DLGAP5: variants seen among roughly 807,000 people sequenced by gnomAD.
The protein encoded by DLGAP5 is disks large-associated protein 5.
Under a neutral mutation model 99.6 loss-of-function variants are expected in DLGAP5, and 90 were observed. The observed-to-expected ratio is 0.90, with a 90% confidence interval of 0.76 to 1.08. DLGAP5 has a LOEUF of 1.08. Among genes scored for constraint, DLGAP5 ranks in the 50% least tolerant of loss-of-function variants. The probability of loss-of-function intolerance (pLI) is 0.00; values close to 1 mark genes in which losing one functional copy is unlikely to be tolerated. For missense variants in DLGAP5, 1,036 were observed against 983.5 expected (o/e 1.05, Z -0.71); for synonymous variants, 311 against 321.3 (o/e 0.97, Z 0.34).
Position 55,154,701 on chromosome 14 carries a change from G to A in DLGAP5, c.1979C>T (p.Thr660Ile). ...SRNEMGIPQQ[T>I]TSPENAGPQN... The stretch of plus-strand genomic sequence containing the variant: ...AGGACCGGCATTTTCTGGTGATGTA[G>A]TTTGTTGTGGAATGCCCATCTCATT... The change falls in exon 15 of 19, where the codon ACT becomes ATT. Residue 660 changes from threonine (T) to isoleucine (I), a missense_variant. Coordinates refer to ENST00000247191, the MANE Select transcript of DLGAP5 (RefSeq NM_014750.5). The A allele has an allele frequency of 6.2e-7, 1 of 1,614,112 alleles. No homozygotes were observed. Among genetic ancestry groups the A allele is most frequent in the Non-Finnish European group, 8.5e-7 (1 of 1,180,002 alleles).
At chr14:55,174,848 G>A (rs554488516) in intron 10 of DLGAP5, among the ~76,000 whole-genome samples, 2 of 152,130 alleles carry the variant, frequency 1.3e-5, no homozygotes, top group Admixed American at 6.5e-5. Context: ...GCACCACCAC[G>A]CCCGGATAAT....
rs1211815458 is a variant in DLGAP5 at position 55,152,782 on chromosome 14, G to C, written c.2064-135C>G. 9.0e-6 allele frequency: 6 copies of C among 664,496 alleles called. No individual in the cohort carries two copies. In the East Asian group the frequency reaches 1.8e-4, roughly 20 times the overall value. The allele number at this position is 664,496 out of a possible 1,614,324, so 41.2% of individuals were successfully genotyped here. A position where few individuals can be genotyped will look rare whatever the true frequency, so the allele number is the denominator to read the frequency against. Reference sequence around the variant, plus strand: ...CATGGAGCCTGGTGCAAGATCAGGCGTGATCCAGATAGATTAGTTTTGGAC... The same window carrying C: ...CATGGAGCCTGGTGCAAGATCAGGCCTGATCCAGATAGATTAGTTTTGGAC... On this transcript the variant is annotated intron_variant, in intron 15 of 18. Transcript: ENST00000247191.
chr14:55,167,253 C>CAAAA (rs59010875), intron 12 of DLGAP5, among the ~76,000 whole-genome samples: 33 of 89,830 alleles, frequency 3.7e-4, no homozygotes, highest in African/African-American at 6.6e-4. Flanking sequence ...GACTCCATCT[C>CAAAA]AAAAAAAAAA....
At chr14:55,171,572 A>G (rs1882860722) in intron 10 of DLGAP5, among the ~76,000 whole-genome samples, 1 of 152,048 alleles carries the variant, frequency 6.6e-6, no homozygotes, top group African/African-American at 2.4e-5. Context: ...AGCTCCTCAA[A>G]AAATTAAAAA....
chr14:55,183,878 C>A (rs898337190), intron 2 of DLGAP5, 125 bp from the exon 3 acceptor site: 1 of 931,048 alleles, frequency 1.1e-6, no homozygotes, highest in East Asian at 3.1e-5. Flanking sequence ...TCAGGCCAGG[C>A]ACGGTGGCTC....
Position 55,151,924 on chromosome 14 carries a change from G to A in DLGAP5, c.2139C>T (p.Asp713=). 2 of 1,613,164 alleles carry A rather than the reference G, an allele frequency of 1.2e-6. No homozygotes were observed. The highest frequency in any genetic ancestry group is 1.1e-5 in the South Asian group (1 of 90,862). ...IEENHVVNKT[D]LKVDCLSSER... The stretch of plus-strand genomic sequence containing the variant: ...CACTGGATAAACAATCCACCTTCAA[G>A]TCTGTCTTATTTACAACCTGGAAGT... The change falls in exon 17 of 19, where the codon GAC becomes GAT. Residue 713 remains aspartate (D), a synonymous_variant. Coordinates refer to ENST00000247191, the MANE Select transcript of DLGAP5 (RefSeq NM_014750.5).
intron 7 of DLGAP5, among the ~76,000 whole-genome samples, chr14:55,178,626 G>A (rs967236550): frequency 6.6e-6 from 1 of 152,168 alleles, no homozygotes; most frequent in Non-Finnish European, 1.5e-5. Context: ...AATCTTAAGG[G>A]GGGACCTATA....
chr14:55,148,872 G>A (rs1344045974), intron 18 of DLGAP5, among the ~76,000 whole-genome samples: 1 of 152,160 alleles, frequency 6.6e-6, no homozygotes, highest in Non-Finnish European at 1.5e-5. Context: ...GACTCAAGCA[G>A]TGTATGCAGA....
intron 12 of DLGAP5, among the ~76,000 whole-genome samples, chr14:55,166,829 G>A (rs1477581069): frequency 1.3e-5 from 2 of 150,692 alleles, no homozygotes; most frequent in Admixed American, 1.3e-4. Flanking sequence ...CATTTCAAAT[G>A]AATGAATTTT....
At chr14:55,190,633 A>C (rs1009019426) in intron 1 of DLGAP5, among the ~76,000 whole-genome samples, 5 of 152,088 alleles carry the variant, frequency 3.3e-5, no homozygotes, top group Non-Finnish European at 5.9e-5. Flanking sequence ...CCACTAGAAA[A>C]CTCCAGATAA....
Position 55,183,703 on chromosome 14 carries a change from A to C in DLGAP5, c.289T>G (p.Tyr97Asp). Residue 97 changes from tyrosine (Y) to aspartate (D), a missense_variant, in exon 3 of 19, where the codon TAC (tyrosine) becomes GAC (aspartate). Physicochemically the swap from Tyr to Asp is radical, Grantham distance 160. Coordinates refer to ENST00000247191, the MANE Select transcript of DLGAP5 (RefSeq NM_014750.5). ...GDQRKQMLQK[Y>D]KEEKQLQKLK... ...TTTTGAAGTTGCTTTTCTTCTTTGT[A>C]TTTTTGGAGCATCTGTTTTCGTTGA... The C allele has an allele frequency of 6.2e-7, 1 of 1,608,666 alleles. No homozygotes were observed. The highest frequency in any genetic ancestry group is 8.5e-7 in the Non-Finnish European group (1 of 1,178,090).
chr14:55,177,220 A>G lies in DLGAP5; in HGVS notation c.891T>C (p.Asn297=). Residue 297 remains asparagine, a synonymous_variant, in exon 8 of 19, where the codon AAT becomes AAC. Coordinates refer to ENST00000247191, the MANE Select transcript of DLGAP5 (RefSeq NM_014750.5). ...AATTCTTCCCTTTTATTTTTGCAGT[A>G]TTTATCTCAGGTAAGTTTTCCATTT... ...LSKMENLPEI[N]TAKIKGKNSF... 4 of 1,613,564 alleles carry G rather than the reference A, an allele frequency of 2.5e-6. No individual in the cohort carries two copies. The highest frequency in any genetic ancestry group is 3.4e-6 in the Non-Finnish European group (4 of 1,179,834).
chr14:55,163,130 A>G (rs576091555), intron 12 of DLGAP5, 55 bp from the exon 13 acceptor site: 5 of 1,121,642 alleles, frequency 4.5e-6, no homozygotes, highest in Admixed American at 4.9e-5. Context: ...AAAGTTATAA[A>G]CGAATGAGCT....
rs984116812 is a variant in DLGAP5 at position 55,170,160 on chromosome 14, TA to T, written c.1387+541del. Among the ~76,000 whole-genome samples the T allele has an allele frequency of 4.9e-3, 698 of 141,390 alleles. 4 individuals are homozygous for T. The highest frequency in any genetic ancestry group is 0.013 in the African/African-American group (514 of 38,630). 92.8% of individuals were successfully genotyped at this position (141,390 alleles called of 152,430 possible). ...AAAATAATAATAATAATAAATAAATTAAAAAAAAAAAACTCAACGTCAAACA... is the reference window on the plus strand; with the variant it reads ...AAAATAATAATAATAATAAATAAATTAAAAAAAAAAACTCAACGTCAAACA... On this transcript the variant is annotated intron_variant, in intron 11 of 18. Transcript: ENST00000247191.
intron 4 of DLGAP5, 77 bp from the exon 5 acceptor site, chr14:55,181,374 T>C (rs976870339): frequency 2.6e-5 from 31 of 1,202,994 alleles, no homozygotes; most frequent in Non-Finnish European, 3.2e-5. Flanking sequence ...TGTAAATTGA[T>C]TCCTCATATG....
intron 10 of DLGAP5, among the ~76,000 whole-genome samples, chr14:55,172,800 G>A (rs1882906385): frequency 6.6e-6 from 1 of 151,612 alleles, no homozygotes; most frequent in East Asian, 2.0e-4. Flanking sequence ...TGACCAACAT[G>A]GTGAAACCCC....
At chr14:55,158,273 T>A (rs1352550001) in intron 14 of DLGAP5, among the ~76,000 whole-genome samples, 1 of 152,212 alleles carries the variant, frequency 6.6e-6, no homozygotes, top group African/African-American at 2.4e-5. Flanking sequence ...AGATGTGAAA[T>A]CACTTAGAAA....
At chr14:55,171,987 A>G (rs1423338461) in intron 10 of DLGAP5, among the ~76,000 whole-genome samples, 1 of 152,044 alleles carries the variant, frequency 6.6e-6, no homozygotes, top group African/African-American at 2.4e-5. Context: ...GTTATTTTTT[A>G]GTAGGTACAG....
chr14:55,157,599 C>T (rs1243198678), intron 14 of DLGAP5, among the ~76,000 whole-genome samples: 1 of 152,054 alleles, frequency 6.6e-6, no homozygotes, highest in Non-Finnish European at 1.5e-5. Context: ...AAAGCTATGA[C>T]AAACACTGTG....
Sources: gnomAD v4.1 joint callset for allele counts (sites outside exome capture counted in the v4.1 genomes callset) on GRCh38, gnomAD v4.1.1 for gene constraint, MANE v1.5 for transcripts, NCBI Gene and HGNC (gene_info 2026-07-23, HGNC 2026-07-21) for gene names.